Variants in EFCAB8 observed in about 807,000 individuals in gnomAD.
The protein encoded by EFCAB8 is EF-hand calcium-binding domain-containing protein 8.
In EFCAB8, 100 loss-of-function variants were observed where a neutral mutation model predicts 116.3. The observed-to-expected ratio is 0.86, with a 90% CI of 0.73 to 1.02. The LOEUF (loss-of-function observed/expected upper bound fraction) is 1.02, where lower values mean the gene tolerates loss of function less well. Among genes scored for constraint, EFCAB8 ranks in the 50% least tolerant of loss-of-function variants. The probability of loss-of-function intolerance (pLI) is 0.00; values close to 1 mark genes in which losing one functional copy is unlikely to be tolerated. For synonymous variants in EFCAB8, 558 were observed against 567.9 expected, an observed-to-expected ratio of 0.98 and a Z score of 0.25; for missense variants, 1,320 against 1,416.9, an observed-to-expected ratio of 0.93 and a Z score of 1.10.
intron 5 of EFCAB8, among the ~76,000 whole-genome samples, chr20:32,885,001 C>T (rs1985537169): frequency 6.6e-6 from 1 of 152,182 alleles, no homozygotes; most frequent in Non-Finnish European, 1.5e-5. Context: ...GTGTGGGACC[C>T]TAATTCCCCA....
At chr20:32,919,482 GC>G (rs1285304804) in intron 19 of EFCAB8, among the ~76,000 whole-genome samples, 15 of 152,122 alleles carry the variant, frequency 9.9e-5, no homozygotes, top group Admixed American at 6.5e-4. Flanking sequence ...AGGTATATTT[GC>G]CCCTCTATCC....
chr20:32,893,387 C>G, intron 9 of EFCAB8, 89 bp downstream of exon 9: 1 of 1,509,404 alleles, frequency 6.6e-7, no homozygotes, highest in African/African-American at 1.4e-5. Context: ...GCCCCCCACT[C>G]CCTGCCTCTG....
intron 1 of EFCAB8, among the ~76,000 whole-genome samples, chr20:32,862,885 G>C (rs1984186315): frequency 6.6e-6 from 1 of 152,074 alleles, no homozygotes; most frequent in African/African-American, 2.4e-5. Context: ...CTTCCGCCTT[G>C]GCCTCCCAAA....
At chr20:32,879,047 T>C (rs1006186337) in intron 5 of EFCAB8, among the ~76,000 whole-genome samples, 2 of 152,222 alleles carry the variant, frequency 1.3e-5, no homozygotes, top group African/African-American at 4.8e-5. Flanking sequence ...AGAGGTCAAA[T>C]GGCTGGCCCC....
At chr20:32,917,046 A>C in intron 17 of EFCAB8, 1 of 463,640 alleles carries the variant, frequency 2.2e-6, no homozygotes. Flanking sequence ...TAGGTGTCTG[A>C]CTGGGGGTGT....
At chr20:32,924,819 C>CTG (rs146773130) in intron 20 of EFCAB8, among the ~76,000 whole-genome samples, 56 of 150,784 alleles carry the variant, frequency 3.7e-4, no homozygotes, top group Middle Eastern at 6.9e-3. Context: ...GCTGGCAGGG[C>CTG]TGTGTGTGTG....
chr20:32,948,990 T>C (rs1600464990), intron 23 of EFCAB8, among the ~76,000 whole-genome samples: 1 of 151,928 alleles, frequency 6.6e-6, no homozygotes, highest in East Asian at 1.9e-4. Flanking sequence ...TAGAGGGCAA[T>C]TACAGAAGGA....
Position 32,958,443 on chromosome 20 carries a change from GA to G in EFCAB8, c.2986del (p.Arg996AspfsTer16). On this transcript the variant is annotated frameshift_variant, in exon 24 of 27. Transcript: ENST00000400522. LOFTEE classifies it high-confidence loss of function. Reference sequence around the variant, plus strand: ...CAGGAACGTTTGGCCTGAGTGTGTGGAAAAGACTACAGGATGCCTGTGATGG... The same window carrying G: ...CAGGAACGTTTGGCCTGAGTGTGTGGAAAGACTACAGGATGCCTGTGATGG... ...AIGTFGLSVW[K>X]RLQDACDGPR... 2.4e-6 allele frequency: 1 copy of G among 416,888 alleles called. No homozygotes were observed. Among genetic ancestry groups the G allele is most frequent in the Non-Finnish European group, 4.4e-6 (1 of 226,414 alleles). The allele number at this position is 416,888 out of a possible 1,614,324, so 25.8% of individuals were successfully genotyped here. A position where few individuals can be genotyped will look rare whatever the true frequency, so the allele number is the denominator to read the frequency against.
intron 10 of EFCAB8, among the ~76,000 whole-genome samples, chr20:32,897,137 T>A (rs117268152): frequency 6.6e-6 from 1 of 152,094 alleles, no homozygotes; most frequent in East Asian, 1.9e-4. Context: ...GTATTCCCCC[T>A]ATCTACTTCC....
At chr20:32,877,407 C>G (rs986304013) in intron 4 of EFCAB8, among the ~76,000 whole-genome samples, 2 of 151,996 alleles carry the variant, frequency 1.3e-5, no homozygotes, top group African/African-American at 4.8e-5. Flanking sequence ...CGGGGTTTCA[C>G]CATGTTGGCC....
At chr20:32,897,470 C>T (rs1244427057) in intron 10 of EFCAB8, among the ~76,000 whole-genome samples, 2 of 147,356 alleles carry the variant, frequency 1.4e-5, no homozygotes, top group African/African-American at 5.0e-5. Flanking sequence ...TGAGTCAGGG[C>T]CTTACTCTGC....
chr20:32,877,444 G>T (rs1168365192), intron 4 of EFCAB8, among the ~76,000 whole-genome samples: 1 of 151,946 alleles, frequency 6.6e-6, no homozygotes, highest in African/African-American at 2.4e-5. Context: ...CCTGACCTCA[G>T]GTAATCCACC....
At chr20:32,894,984 GC>G (rs1175809221) in intron 9 of EFCAB8, among the ~76,000 whole-genome samples, 1 of 152,226 alleles carries the variant, frequency 6.6e-6, no homozygotes, top group Non-Finnish European at 1.5e-5. Context: ...GCAAGATGGG[GC>G]TGGTGACTTT....
chr20:32,960,561 T>A (rs918640982), intron 26 of EFCAB8, among the ~76,000 whole-genome samples: 1 of 152,192 alleles, frequency 6.6e-6, no homozygotes, highest in Non-Finnish European at 1.5e-5. Flanking sequence ...GCCAGGCCCA[T>A]AGTAAGAGAC....
chr20:32,958,874 C>T (rs1989053710), intron 24 of EFCAB8, among the ~76,000 whole-genome samples: 1 of 152,246 alleles, frequency 6.6e-6, no homozygotes, highest in Admixed American at 6.5e-5. Flanking sequence ...CTGCAGAGAT[C>T]ATTGCTGCAT....
chr20:32,948,524 AAAAG>A (rs201493711), intron 23 of EFCAB8, among the ~76,000 whole-genome samples: 28,638 of 117,254 alleles, frequency 0.24, 3,762 homozygotes, highest in Non-Finnish European at 0.27. Flanking sequence ...AAGAAAGTGA[AAAAG>A]AAAGAAAGAA....
intron 3 of EFCAB8, among the ~76,000 whole-genome samples, chr20:32,871,752 A>C (rs1208181976): frequency 6.6e-6 from 1 of 152,132 alleles, no homozygotes; most frequent in Non-Finnish European, 1.5e-5. Flanking sequence ...CCCAACTGTC[A>C]CTGCGTGCCT....
At chr20:32,930,772 G>A (rs1987877439) in intron 21 of EFCAB8, among the ~76,000 whole-genome samples, 156 bp downstream of exon 21, 1 of 152,176 alleles carries the variant, frequency 6.6e-6, no homozygotes, top group Non-Finnish European at 1.5e-5. Flanking sequence ...GCTCTGCTAA[G>A]CCCAGTGACA....
In EFCAB8 at chr20:32,892,229, T is replaced by C; in HGVS notation, c.690T>C (p.Ser230=). 6.4e-7 allele frequency: 1 copy of C among 1,551,678 alleles called. No homozygotes were observed. ...TRQKIDFFDI[S]DHKCVRAFTF... ...TTCCCCCAGATTTCTTTGATATTAGTGACCACAAATGTGTCCGGGCCTTCA... is the reference window on the plus strand; with the variant it reads ...TTCCCCCAGATTTCTTTGATATTAGCGACCACAAATGTGTCCGGGCCTTCA... Residue 230 remains serine (S), a synonymous_variant, in exon 8 of 27, where the codon AGT becomes AGC. Transcript: ENST00000400522.
Sources: allele counts gnomAD v4.1 joint callset (sites outside exome capture counted in the v4.1 genomes callset), GRCh38; gene constraint gnomAD v4.1.1; transcripts MANE v1.5; gene names NCBI Gene and HGNC (gene_info 2026-07-23, HGNC 2026-07-21).